SPOCK1: variants seen among roughly 807,000 people sequenced by gnomAD.
The protein encoded by SPOCK1 is SPARC (osteonectin), cwcv and kazal like domains proteoglycan 1, also known as testican-1.
A neutral mutation model predicts 55.3 loss-of-function variants in SPOCK1; 23 were observed. That is an observed-to-expected ratio of 0.42 (90% CI 0.30 to 0.59). The LOEUF (loss-of-function observed/expected upper bound fraction) is 0.59, where lower values mean the gene tolerates loss of function less well. Among genes scored for constraint, SPOCK1 ranks in the 20% least tolerant of loss-of-function variants. SPOCK1 has a pLI of 0.22. For missense variants in SPOCK1, 499 were observed against 552.5 expected, an observed-to-expected ratio of 0.90 and a Z score of 0.97; for synonymous variants, 226 against 221.0, an observed-to-expected ratio of 1.02 and a Z score of -0.20.
At chr5:137,033,530 G>A (rs1052193200) in intron 6 of SPOCK1, among the ~76,000 whole-genome samples, 2 of 152,068 alleles carry the variant, frequency 1.3e-5, no homozygotes, top group African/African-American at 2.4e-5. Flanking sequence ...CACCTTGCAC[G>A]CTATCTGAAA....
chr5:137,248,621 C>T (rs768695154), intron 3 of SPOCK1, among the ~76,000 whole-genome samples: 4 of 152,194 alleles, frequency 2.6e-5, no homozygotes, highest in Non-Finnish European at 5.9e-5. Flanking sequence ...ACCATTTCCT[C>T]GTTCTCTGAC....
intron 2 of SPOCK1, among the ~76,000 whole-genome samples, chr5:137,417,369 AT>A: frequency 6.7e-6 from 1 of 148,974 alleles, no homozygotes; most frequent in Middle Eastern, 3.4e-3. Flanking sequence ...AAAAAAATCA[AT>A]TTTACTGAGG....
chr5:137,486,993 A>T (rs1260769106), intron 2 of SPOCK1, among the ~76,000 whole-genome samples: 1 of 152,210 alleles, frequency 6.6e-6, no homozygotes, highest in Admixed American at 6.5e-5. Context: ...ACAGGGAATC[A>T]TCATGTCCAA....
rs753888879 is a variant in SPOCK1 at position 137,152,783 on chromosome 5, C to A, written c.233-12089G>T. ...TATTCTCCTTATCATCCAATATTTA[C>A]CCTGCCTTAATTTATACGGACAACC... is the stretch of plus-strand genomic sequence containing the variant. On this transcript the variant is annotated intron_variant, in intron 3 of 10. Coordinates refer to ENST00000394945, the MANE Select transcript of SPOCK1 (RefSeq NM_004598.4). Among the ~76,000 whole-genome samples the A allele has an allele frequency of 1.9e-4, 29 of 152,146 alleles. 1 individual carries two copies. Among genetic ancestry groups the A allele is most frequent in the Non-Finnish European group, 3.7e-4 (25 of 68,034 alleles).
intron 4 of SPOCK1, among the ~76,000 whole-genome samples, chr5:137,113,406 G>A (rs907177960): frequency 4.6e-5 from 7 of 152,140 alleles, no homozygotes; most frequent in Non-Finnish European, 7.3e-5. Context: ...AAGGCTACCC[G>A]TCTCTGGATA....
At chr5:137,301,451 T>C (rs1757587613) in intron 2 of SPOCK1, among the ~76,000 whole-genome samples, 1 of 152,110 alleles carries the variant, frequency 6.6e-6, no homozygotes, top group African/African-American at 2.4e-5. Context: ...TGTGAACTCC[T>C]TCAGAAGCAT....
intron 3 of SPOCK1, among the ~76,000 whole-genome samples, chr5:137,240,750 A>G (rs752974759): frequency 2.6e-5 from 4 of 152,240 alleles, no homozygotes; most frequent in Non-Finnish European, 5.9e-5. Context: ...AGGACTATAA[A>G]AAAAAAGAGA....
intron 6 of SPOCK1, among the ~76,000 whole-genome samples, chr5:137,042,785 T>C (rs1752024441): frequency 1.3e-5 from 2 of 152,130 alleles, no homozygotes; most frequent in African/African-American, 2.4e-5. Context: ...TTGGATACAT[T>C]AGCATAAACT....
chr5:137,344,421 C>T (rs1750508267), intron 2 of SPOCK1, among the ~76,000 whole-genome samples: 1 of 152,252 alleles, frequency 6.6e-6, no homozygotes, highest in South Asian at 2.1e-4. Context: ...TTTAGTGACC[C>T]TGTGGCACTT....
intron 5 of SPOCK1, among the ~76,000 whole-genome samples, chr5:137,078,365 T>C (rs1306466046): frequency 2.6e-5 from 4 of 152,128 alleles, no homozygotes; most frequent in African/African-American, 9.7e-5. Flanking sequence ...ACACTAAGCC[T>C]CCTCTCCATG....
chr5:137,434,112 G>T (rs1449188137), intron 2 of SPOCK1, among the ~76,000 whole-genome samples: 3 of 152,204 alleles, frequency 2.0e-5, no homozygotes, highest in Non-Finnish European at 4.4e-5. Flanking sequence ...TAATTAAACA[G>T]ATCCACCAAA....
chr5:137,371,876 G>A (rs1412230892), intron 2 of SPOCK1, among the ~76,000 whole-genome samples: 1 of 152,210 alleles, frequency 6.6e-6, no homozygotes, highest in Non-Finnish European at 1.5e-5. Context: ...GGAAGGGGCT[G>A]TTACTATCCT....
chr5:137,098,564 G>C (rs1022833866), intron 5 of SPOCK1, among the ~76,000 whole-genome samples: 1 of 152,234 alleles, frequency 6.6e-6, no homozygotes, highest in Non-Finnish European at 1.5e-5. Context: ...CATGGAATTA[G>C]TGGATGGAGC....
intron 2 of SPOCK1, among the ~76,000 whole-genome samples, chr5:137,267,328 A>G (rs1756877596): frequency 6.6e-6 from 1 of 152,240 alleles, no homozygotes; most frequent in South Asian, 2.1e-4. Flanking sequence ...AGTTTGACAT[A>G]TAAACCCAGA....
rs75680050 is a variant in SPOCK1 at position 137,042,485 on chromosome 5, G to T, written c.589+25230C>A. On this transcript the variant is annotated intron_variant, in intron 6 of 10. Coordinates refer to ENST00000394945, the MANE Select transcript of SPOCK1 (RefSeq NM_004598.4). The stretch of plus-strand genomic sequence containing the variant: ...TTAAAAAATCATTTAGGAGGCCAGG[G>T]GATCCTAGGATGTAATGCAGAATGT... Among the ~76,000 whole-genome samples the T allele has an allele frequency of 8.9e-3, 1,361 of 152,182 alleles. 40 individuals are homozygous for T. In the East Asian group the frequency reaches 0.12, roughly 14 times the overall value.
rs114317477 is a variant in SPOCK1 at position 137,089,796 on chromosome 5, C to T, written c.475-21967G>A. On this transcript the variant is annotated intron_variant, in intron 5 of 10. Transcript: ENST00000394945. ...GGAAATGTATTCTCAATTGAGAATACATTTTTAGAAATTCACATTTCTAAA... is the reference window on the plus strand; with the variant it reads ...GGAAATGTATTCTCAATTGAGAATATATTTTTAGAAATTCACATTTCTAAA... 7.9e-3 allele frequency among the ~76,000 whole-genome samples: 1,203 copies of T among 152,268 alleles called. 4 individuals are homozygous for T. Among genetic ancestry groups the T allele is most frequent in the Non-Finnish European group, 0.013 (897 of 68,006 alleles).
intron 2 of SPOCK1, among the ~76,000 whole-genome samples, chr5:137,463,590 AG>A: frequency 6.6e-6 from 1 of 152,112 alleles, no homozygotes. Flanking sequence ...AGAATAAATA[AG>A]ACCTAGTATT....
intron 2 of SPOCK1, among the ~76,000 whole-genome samples, chr5:137,404,575 ATTT>A (rs67609274): frequency 1.5e-5 from 2 of 137,798 alleles, no homozygotes; most frequent in Non-Finnish European, 3.1e-5. Context: ...CACCCAGCTA[ATTT>A]TTTTTTTTTT....
chr5:137,248,025 T>G (rs566816030), intron 3 of SPOCK1, among the ~76,000 whole-genome samples: 6 of 152,180 alleles, frequency 3.9e-5, no homozygotes, highest in Non-Finnish European at 7.3e-5. Context: ...ATCTAAAATA[T>G]AGCAGTTTTA....
Sources: allele counts gnomAD v4.1 joint callset (sites outside exome capture counted in the v4.1 genomes callset), GRCh38; gene constraint gnomAD v4.1.1; transcripts MANE v1.5; gene names NCBI Gene and HGNC (gene_info 2026-07-23, HGNC 2026-07-21).